SPAG17: variants seen among roughly 807,000 people sequenced by gnomAD.
SPAG17 encodes the protein sperm associated antigen 17.
In SPAG17, 169 loss-of-function variants were observed where a neutral mutation model predicts 273.6. The ratio of observed to expected loss-of-function variants is 0.62; its 90% CI spans 0.55 to 0.70. The LOEUF (loss-of-function observed/expected upper bound fraction) is 0.70, where lower values mean the gene tolerates loss of function less well. Among genes scored for constraint, SPAG17 ranks in the 30% least tolerant of loss-of-function variants. The probability of loss-of-function intolerance (pLI) is 0.00; values close to 1 mark genes in which losing one functional copy is unlikely to be tolerated. For synonymous variants in SPAG17, 825 were observed against 873.2 expected (o/e 0.94, Z 0.97); for missense variants, 2,557 against 2,627.8 (o/e 0.97, Z 0.59).
intron 48 of SPAG17, chr1:117,954,539 C>T (rs772301433): frequency 4.4e-6 from 7 of 1,594,386 alleles, no homozygotes; most frequent in Non-Finnish European, 5.2e-6. Flanking sequence ...CTACCTAAGT[C>T]TCAGTTTTTT....
chr1:118,120,565 A>G (rs1657364385), intron 3 of SPAG17, among the ~76,000 whole-genome samples: 1 of 152,226 alleles, frequency 6.6e-6, no homozygotes, highest in African/African-American at 2.4e-5. Flanking sequence ...TTGAATAACA[A>G]TGGCGTACTC....
At chr1:118,128,449 G>A (rs932641950) in intron 3 of SPAG17, among the ~76,000 whole-genome samples, 3 of 152,134 alleles carry the variant, frequency 2.0e-5, no homozygotes, top group Non-Finnish European at 2.9e-5. Context: ...AATAGAAGTG[G>A]TGAGAGTGGG....
At chr1:118,025,799 ATTTTC>A (rs1249621514) in intron 26 of SPAG17, among the ~76,000 whole-genome samples, 1 of 151,846 alleles carries the variant, frequency 6.6e-6, no homozygotes, top group Non-Finnish European at 1.5e-5. Context: ...GTGCTTAATT[ATTTTC>A]TTTTGTCTGC....
Position 118,125,245 on chromosome 1 carries a change from A to T in SPAG17, c.316-9804T>A, listed in dbSNP as rs575639532. 7.2e-3 allele frequency among the ~76,000 whole-genome samples: 1,092 copies of T among 150,828 alleles called. 13 individuals carry two copies. The highest frequency in any genetic ancestry group is 0.018 in the African/African-American group (722 of 40,840). On this transcript the variant is annotated intron_variant, in intron 3 of 48. Coordinates refer to ENST00000336338, the MANE Select transcript of SPAG17 (RefSeq NM_206996.4). Reference sequence around the variant, plus strand: ...TTATTGTATTCATATATATATATATATTTTTGACATATAATAATGGTAAAT... The same window carrying T: ...TTATTGTATTCATATATATATATATTTTTTTGACATATAATAATGGTAAAT...
At chr1:118,003,497 A>G (rs1389305208) in intron 32 of SPAG17, among the ~76,000 whole-genome samples, 2 of 152,018 alleles carry the variant, frequency 1.3e-5, no homozygotes, top group Non-Finnish European at 2.9e-5. Context: ...ATAGTCCTGT[A>G]TTTCTTGGAG....
chr1:118,118,820 T>G (rs1279186847), intron 3 of SPAG17, among the ~76,000 whole-genome samples: 14 of 152,218 alleles, frequency 9.2e-5, no homozygotes, highest in Non-Finnish European at 1.9e-4. Flanking sequence ...ATTTTTCTGT[T>G]AGGGAGCTTG....
chr1:117,996,440 T>C lies in SPAG17; in HGVS notation c.4983A>G (p.Glu1661=). 1.2e-6 allele frequency: 2 copies of C among 1,613,172 alleles called. No homozygotes were observed. Among genetic ancestry groups the C allele is most frequent in the East Asian group, 2.2e-5 (1 of 44,848 alleles). Residue 1661 remains glutamate, a synonymous_variant, in exon 34 of 49, where the codon GAA becomes GAG. Coordinates refer to ENST00000336338, the MANE Select transcript of SPAG17 (RefSeq NM_206996.4). ...GMELLRDSDI[E]EYLSLAYKES... is the part of the protein sequence containing the mutation. Reference sequence around the variant, plus strand: ...CTTTATATGCCAAAGATAGATATTCTTCTATGTCACTGTCTCGAAGAAGTT... The same window carrying C: ...CTTTATATGCCAAAGATAGATATTCCTCTATGTCACTGTCTCGAAGAAGTT...
chr1:118,042,147 T>TA, intron 20 of SPAG17, 105 bp from the exon 21 acceptor site: 1 of 1,347,846 alleles, frequency 7.4e-7, no homozygotes, highest in African/African-American at 1.5e-5. Context: ...TGTTAGTGTA[T>TA]CTCTGACAAA....
intron 43 of SPAG17, among the ~76,000 whole-genome samples, chr1:117,980,792 T>A (rs573732305): frequency 1.1e-4 from 16 of 152,232 alleles, no homozygotes; most frequent in Non-Finnish European, 2.2e-4. Context: ...TTATTTTATA[T>A]TTCAATTTCT....
intron 25 of SPAG17, among the ~76,000 whole-genome samples, chr1:118,029,290 C>T (rs533754149): frequency 5.9e-5 from 9 of 152,208 alleles, no homozygotes; most frequent in Admixed American, 5.2e-4. Context: ...GACATAAAAT[C>T]TGCTAATATC....
rs1214251533 is a variant in SPAG17 at position 117,972,039 on chromosome 1, A to G, written c.6150T>C (p.Asp2050=). Residue 2050 remains aspartate, a synonymous_variant, in exon 45 of 49, where the codon GAT becomes GAC. Coordinates refer to ENST00000336338, the MANE Select transcript of SPAG17 (RefSeq NM_206996.4). ...ATGTGTTCACTTTTCCTCCAACAGA[A>G]TCTTGCACCTTTGCATTAAGAAAAA... The part of the protein sequence containing the change: ...PKSQPLAKVQ[D]SVGGKVNTSS... 1 of 1,611,162 alleles carries G rather than the reference A, an allele frequency of 6.2e-7. No homozygotes were observed. The highest frequency in any genetic ancestry group is 8.5e-7 in the Non-Finnish European group (1 of 1,178,758).
At chr1:117,957,046 A>G in intron 48 of SPAG17, 1 of 1,537,774 alleles carries the variant, frequency 6.5e-7, no homozygotes, top group Non-Finnish European at 8.7e-7. Context: ...TGGCATTTTT[A>G]TATTTATTTT....
chr1:118,127,251 A>T (rs1439152682), intron 3 of SPAG17, among the ~76,000 whole-genome samples: 1 of 152,100 alleles, frequency 6.6e-6, no homozygotes, highest in Non-Finnish European at 1.5e-5. Flanking sequence ...CTAAAGAAAT[A>T]CCTGAGGCTG....
At chr1:118,051,774 A>G (rs888440334) in intron 20 of SPAG17, among the ~76,000 whole-genome samples, 3 of 144,350 alleles carry the variant, frequency 2.1e-5, no homozygotes, top group African/African-American at 5.1e-5. Context: ...AATATAACAT[A>G]ATACTATTAT....
intron 1 of SPAG17, among the ~76,000 whole-genome samples, chr1:118,181,327 T>G (rs1660931085): frequency 6.6e-6 from 1 of 151,486 alleles, no homozygotes; most frequent in African/African-American, 2.4e-5. Flanking sequence ...CCTACAATAA[T>G]AAAACAGAGA....
chr1:117,998,166 T>C (rs1373136382), intron 32 of SPAG17, among the ~76,000 whole-genome samples: 2 of 152,218 alleles, frequency 1.3e-5, no homozygotes, highest in Admixed American at 6.5e-5. Context: ...CTGGGTTTTC[T>C]TCAAGGGTTT....
At chr1:118,105,749 C>T (rs1168080522) in intron 4 of SPAG17, among the ~76,000 whole-genome samples, 1 of 151,536 alleles carries the variant, frequency 6.6e-6, no homozygotes, top group African/African-American at 2.4e-5. Flanking sequence ...TCAGTGATGA[C>T]AAGGTTCAAG....
chr1:117,973,232 G>A (rs1008720493), intron 44 of SPAG17, among the ~76,000 whole-genome samples, 193 bp downstream of exon 44: 5 of 152,172 alleles, frequency 3.3e-5, no homozygotes, highest in African/African-American at 9.7e-5. Context: ...TGTGTGAGAT[G>A]TAAGTTTAAA....
intron 23 of SPAG17, among the ~76,000 whole-genome samples, chr1:118,038,159 A>G (rs776533415): frequency 7.9e-5 from 12 of 152,232 alleles, no homozygotes; most frequent in Non-Finnish European, 1.2e-4. Flanking sequence ...AGAGATACAA[A>G]TGGCAAATAA....
Sources: allele counts gnomAD v4.1 joint callset (sites outside exome capture counted in the v4.1 genomes callset), GRCh38; gene constraint gnomAD v4.1.1; transcripts MANE v1.5; gene names NCBI Gene and HGNC (gene_info 2026-07-23, HGNC 2026-07-21).